Variants in SLC35D4 observed in about 807,000 individuals in gnomAD.
SLC35D4 encodes the protein solute carrier family 35 member D4, also known as UDP-N-acetylglucosamine transporter SLC35D4.
the SLC35D4 span, among the ~76,000 whole-genome samples, chr18:23,410,343 G>A: frequency 1.3e-5 from 2 of 152,084 alleles, no homozygotes; most frequent in Non-Finnish European, 2.9e-5. Context: ...CGGGTGCGGT[G>A]GTGGGCGCCT....
the SLC35D4 span, among the ~76,000 whole-genome samples, chr18:23,420,713 T>A: frequency 1.4e-4 from 22 of 151,978 alleles, no homozygotes; most frequent in Admixed American, 4.6e-4. Flanking sequence ...TAAAAAAAAA[T>A]TTTAAGCTAA....
At chr18:23,356,520 G>A in the SLC35D4 span, 1 of 1,506,966 alleles carries the variant, frequency 6.6e-7, no homozygotes, top group Non-Finnish European at 9.2e-7. This position sits in a 1 kb window ranked among gnomAD's most constrained non-coding sequence, Gnocchi z 4.1. Flanking sequence ...CACTAGCAGT[G>A]ACCCTGAACT....
At chr18:23,313,126 C>CAAAAAAAAAAAAAAAAAAAAAAAA in the SLC35D4 span, among the ~76,000 whole-genome samples, 11 of 29,488 alleles carry the variant, frequency 3.7e-4, 3 homozygotes, top group Admixed American at 7.2e-4. Context: ...GACTACATCT[C>CAAAAAAAAAAAAAAAAAAAAAAAA]AAAAAAAAAA....
chr18:23,353,073 GACA>G, the SLC35D4 span, among the ~76,000 whole-genome samples: 1 of 149,470 alleles, frequency 6.7e-6, no homozygotes, highest in Admixed American at 6.7e-5. Flanking sequence ...AGGTGAGACA[GACA>G]GTGTGTGTGT....
chr18:23,338,000 T>C, the SLC35D4 span, among the ~76,000 whole-genome samples: 1 of 152,214 alleles, frequency 6.6e-6, no homozygotes, highest in African/African-American at 2.4e-5. Context: ...ATGGCGGTCA[T>C]GTTACCCACA....
the SLC35D4 span, among the ~76,000 whole-genome samples, chr18:23,275,515 A>C: frequency 2.0e-5 from 3 of 152,134 alleles, no homozygotes; most frequent in African/African-American, 7.2e-5. Context: ...TCGCGAGAAC[A>C]AGCTGAACTA....
At chr18:23,436,850 G>T in the SLC35D4 span, among the ~76,000 whole-genome samples, 1 of 152,154 alleles carries the variant, frequency 6.6e-6, no homozygotes, top group South Asian at 2.1e-4. Context: ...AGCATCCTCT[G>T]AATATATAAA....
the SLC35D4 span, among the ~76,000 whole-genome samples, chr18:23,279,481 C>T: frequency 1.3e-5 from 2 of 152,150 alleles, no homozygotes; most frequent in Non-Finnish European, 2.9e-5. Context: ...TCCTAACTCC[C>T]AGTACCTCCG....
chr18:23,362,541 G>A, the SLC35D4 span, among the ~76,000 whole-genome samples: 22 of 152,214 alleles, frequency 1.4e-4, no homozygotes, highest in African/African-American at 4.3e-4. Flanking sequence ...GGAGGTTGCA[G>A]TGAGCCAAGA....
the SLC35D4 span, among the ~76,000 whole-genome samples, chr18:23,412,400 T>A: frequency 6.6e-6 from 1 of 152,206 alleles, no homozygotes; most frequent in Non-Finnish European, 1.5e-5. Context: ...AAATGTAAAG[T>A]CAGTATTTTC....
chr18:23,383,822 G>A, the SLC35D4 span, among the ~76,000 whole-genome samples: 28 of 152,164 alleles, frequency 1.8e-4, no homozygotes, highest in African/African-American at 6.0e-4. Flanking sequence ...AGCCAGTGAC[G>A]AGGGAGAGGC....
At chr18:23,377,759 AAATT>A in the SLC35D4 span, 2 of 1,196,464 alleles carry the variant, frequency 1.7e-6, no homozygotes, top group Non-Finnish European at 2.3e-6. Context: ...AGAGGCAAAT[AAATT>A]ATGAGTAGAT....
the SLC35D4 span, among the ~76,000 whole-genome samples, chr18:23,265,443 C>G: frequency 1.3e-5 from 2 of 151,684 alleles, no homozygotes; most frequent in African/African-American, 4.9e-5. Flanking sequence ...TCATCAAGTA[C>G]GGGCAATCTG....
At chr18:23,421,397 A>G in the SLC35D4 span, 5 of 1,614,128 alleles carry the variant, frequency 3.1e-6, no homozygotes, top group South Asian at 5.5e-5. Flanking sequence ...TACCCAGCCC[A>G]GTTTCCAGGA....
chr18:23,388,925 A>G, the SLC35D4 span, among the ~76,000 whole-genome samples: 1 of 151,456 alleles, frequency 6.6e-6, no homozygotes, highest in Non-Finnish European at 1.5e-5. Flanking sequence ...CTTCCTGTAC[A>G]GCCTGCAGAA....
the SLC35D4 span, among the ~76,000 whole-genome samples, chr18:23,313,125 TCAAAAAAAAAAA>T: frequency 8.8e-5 from 1 of 11,332 alleles, no homozygotes; most frequent in Non-Finnish European, 2.4e-4. Context: ...AGACTACATC[TCAAAAAAAAAAA>T]AAAAAAAAAA....
the SLC35D4 span, among the ~76,000 whole-genome samples, chr18:23,264,222 G>GGTGCCAGT: frequency 1.3e-5 from 2 of 152,176 alleles, no homozygotes; most frequent in African/African-American, 4.8e-5. Context: ...TGGTTCTGCA[G>GGTGCCAGT]GTGCCAGTGT....
At chr18:23,403,484 G>A in the SLC35D4 span, among the ~76,000 whole-genome samples, 4 of 152,178 alleles carry the variant, frequency 2.6e-5, no homozygotes, top group African/African-American at 7.2e-5. Flanking sequence ...ACATAAACAC[G>A]GCATGTGCAA....
chr18:23,246,324 G>A, the SLC35D4 span, among the ~76,000 whole-genome samples: 1 of 151,790 alleles, frequency 6.6e-6, no homozygotes, highest in Non-Finnish European at 1.5e-5. Context: ...AGGAGTCGCT[G>A]CTTGTTTAAT....
Sources: gnomAD v4.1 joint callset for allele counts (sites outside exome capture counted in the v4.1 genomes callset) on GRCh38, gnomAD v4.1.1 for gene constraint, Gnocchi (gnomAD v3.1) non-coding constraint, MANE v1.5 for transcripts, NCBI Gene and HGNC (gene_info 2026-07-23, HGNC 2026-07-21) for gene names.